Variants in HAPLN2 observed in about 807,000 individuals in gnomAD.
The protein encoded by HAPLN2 is hyaluronan and proteoglycan link protein 2.
Under a neutral mutation model 29.3 loss-of-function variants are expected in HAPLN2, and 27 were observed. That is an observed-to-expected ratio of 0.92 (90% CI 0.68 to 1.27). The LOEUF is 1.27. HAPLN2 is among the 50% of genes most tolerant of loss of function. The probability of loss-of-function intolerance (pLI) is 0.00; values close to 1 mark genes in which losing one functional copy is unlikely to be tolerated. For missense variants in HAPLN2, 454 were observed against 484.3 expected (o/e 0.94, Z 0.59); for synonymous variants, 208 against 211.7 (o/e 0.98, Z 0.15).
the HAPLN2 span, chr1:156,601,560 T>C: frequency 1.0e-5 from 12 of 1,162,268 alleles, no homozygotes; most frequent in African/African-American, 6.2e-5. Flanking sequence ...GGAGAAACCA[T>C]TGCGGAGCCC....
At chr1:156,602,197 C>T in the HAPLN2 span, among the ~76,000 whole-genome samples, 1 of 152,160 alleles carries the variant, frequency 6.6e-6, no homozygotes, top group East Asian at 1.9e-4. Context: ...ACCTCGGCTT[C>T]CCAAAGTGTT....
At chr1:156,618,389 A>C (rs184549504), upstream of HAPLN2, among the ~76,000 whole-genome samples, 1 of 151,150 alleles carries the variant, frequency 6.6e-6, no homozygotes, top group East Asian at 1.9e-4. Context: ...CTAAGGGGGA[A>C]GATCTCTTGA....
the HAPLN2 span, among the ~76,000 whole-genome samples, chr1:156,605,277 A>G: frequency 1.3e-5 from 2 of 151,572 alleles, no homozygotes; most frequent in East Asian, 1.9e-4. Flanking sequence ...AAAAGAAAAA[A>G]AAAGAGAGAG....
chr1:156,614,390 A>G (rs1233701914), upstream of HAPLN2, among the ~76,000 whole-genome samples: 1 of 152,008 alleles, frequency 6.6e-6, no homozygotes, highest in African/African-American at 2.4e-5. Context: ...ACACCCAGCT[A>G]ATTTTTGTAA....
chr1:156,609,745 C>T, the HAPLN2 span, among the ~76,000 whole-genome samples: 1 of 152,086 alleles, frequency 6.6e-6, no homozygotes, highest in Non-Finnish European at 1.5e-5. Flanking sequence ...GAACAATAGA[C>T]ACCAGGCCTA....
rs1326696742 is a variant in HAPLN2 at position 156,623,887 on chromosome 1, C to T, written c.166C>T (p.Pro56Ser). 1.3e-6 allele frequency: 2 copies of T among 1,586,762 alleles called. No individual in the cohort carries two copies. Among genetic ancestry groups the T allele is most frequent in the Non-Finnish European group, 1.7e-6 (2 of 1,167,182 alleles). The change falls in exon 4 of 7, where the codon CCC (proline) becomes TCC (serine). Residue 56 changes from proline to serine, a missense_variant. Pro to Ser is a moderately conservative substitution (Grantham distance 74). Around this residue, in one of 3 missense-constraint regions of HAPLN2, gnomAD observed 204 missense variants for 209.2 expected, o/e 0.98. Coordinates refer to ENST00000255039, the MANE Select transcript of HAPLN2 (RefSeq NM_021817.3). ...TCATCGTGGGGCCACGGCCACGCTG[C>T]CCTGCGTCCTGGGCACCACGCCTCC... The part of the protein sequence containing the change: ...HSHRGATATL[P>S]CVLGTTPPSY...
intron 2 of HAPLN2, among the ~76,000 whole-genome samples, chr1:156,620,639 T>C (rs1381348568): frequency 6.6e-6 from 1 of 152,204 alleles, no homozygotes; most frequent in Non-Finnish European, 1.5e-5. Context: ...ATAACCTCCG[T>C]TTCTCCTACT....
At chr1:156,610,266 A>G in the HAPLN2 span, among the ~76,000 whole-genome samples, 25 of 152,296 alleles carry the variant, frequency 1.6e-4, no homozygotes, top group African/African-American at 6.0e-4. Flanking sequence ...CTGAAATACT[A>G]TGCAGACATG....
chr1:156,601,949 T>C, the HAPLN2 span, among the ~76,000 whole-genome samples: 1 of 152,072 alleles, frequency 6.6e-6, no homozygotes, highest in Non-Finnish European at 1.5e-5. Context: ...TTTTTTTTTT[T>C]CTGAGACAGG....
At chr1:156,613,773 T>A in the HAPLN2 span, among the ~76,000 whole-genome samples, 2 of 151,550 alleles carry the variant, frequency 1.3e-5, no homozygotes, top group Non-Finnish European at 2.9e-5. Flanking sequence ...AAAAATTAGC[T>A]TGGTGTGGTG....
rs1481743705 is a variant in HAPLN2 at position 156,624,904 on chromosome 1, C to G, written c.739+121C>G. ...GGGTCCCTCCAAGGCACCGCCCCCCCATCAGCCCGCCCGCCCGCCCAGGCT... is the reference window on the plus strand; with the variant it reads ...GGGTCCCTCCAAGGCACCGCCCCCCGATCAGCCCGCCCGCCCGCCCAGGCT... On this transcript the variant is annotated intron_variant, in intron 6 of 6. Transcript: ENST00000255039. The G allele has an allele frequency of 5.9e-6, 7 of 1,184,994 alleles. 1 individual carries two copies. The allele number at this position is 1,184,994 out of a possible 1,614,324, so 73.4% of individuals were successfully genotyped here.
rs1678422030 is a variant in HAPLN2, at chr1:156,625,469, C to CA, written c.*85_*86insA. Reference sequence around the variant, plus strand: ...CTCGCCACCCCTTTCCGGAGAGCCTCCCCTCCCTCCAGACCCGGAGCGGCC... The same window carrying CA: ...CTCGCCACCCCTTTCCGGAGAGCCTCACCCTCCCTCCAGACCCGGAGCGGCC... On this transcript the variant is annotated 3_prime_UTR_variant, in exon 7 of 7. Transcript: ENST00000255039. This position sits in a 1 kb window ranked among gnomAD's most constrained non-coding sequence, Gnocchi z 5.7. 7.3e-7 allele frequency: 1 copy of CA among 1,364,998 alleles called. No individual in the cohort carries two copies. Among genetic ancestry groups the CA allele is most frequent in the Non-Finnish European group, 9.8e-7 (1 of 1,020,994 alleles). The allele number at this position is 1,364,998 out of a possible 1,614,324, so 84.6% of individuals were successfully genotyped here. A position where few individuals can be genotyped will look rare whatever the true frequency, so the allele number is the denominator to read the frequency against.
chr1:156,618,683 G>A (rs949527511), upstream of HAPLN2, among the ~76,000 whole-genome samples: 2 of 149,604 alleles, frequency 1.3e-5, no homozygotes, highest in African/African-American at 5.0e-5. Context: ...GGAGGCTGAG[G>A]CAGAAGAATG....
At chr1:156,612,409 G>A in the HAPLN2 span, among the ~76,000 whole-genome samples, 336 of 152,202 alleles carry the variant, frequency 2.2e-3, 2 homozygotes, top group African/African-American at 7.9e-3. Context: ...TTTGGAGGGA[G>A]GAGTGGTCCC....
upstream of HAPLN2, among the ~76,000 whole-genome samples, chr1:156,618,807 CTT>C (rs1477523398): frequency 1.4e-4 from 19 of 138,646 alleles, no homozygotes; most frequent in Admixed American, 7.9e-4. Flanking sequence ...AAAAAAAAGA[CTT>C]GAGAGAAAGT....
the HAPLN2 span, among the ~76,000 whole-genome samples, chr1:156,604,436 C>T: frequency 6.6e-6 from 1 of 152,000 alleles, no homozygotes; most frequent in African/African-American, 2.4e-5. Context: ...ACTACAGGTG[C>T]GTGCCACCAC....
At chr1:156,607,798 T>A in the HAPLN2 span, among the ~76,000 whole-genome samples, 1 of 152,198 alleles carries the variant, frequency 6.6e-6, no homozygotes, top group Non-Finnish European at 1.5e-5. Context: ...TTCCCAGTTA[T>A]TTTTTCTGTC....
At chr1:156,617,262 G>A (rs1019445858), upstream of HAPLN2, among the ~76,000 whole-genome samples, 4 of 151,874 alleles carry the variant, frequency 2.6e-5, no homozygotes, top group Non-Finnish European at 5.9e-5. Flanking sequence ...TGTATTGTGC[G>A]TGATTTGGGG....
At chr1:156,618,778 C>CAAA (rs67222173), upstream of HAPLN2, among the ~76,000 whole-genome samples, 9 of 41,636 alleles carry the variant, frequency 2.2e-4, no homozygotes, top group Admixed American at 1.5e-3. Flanking sequence ...GACTCCGTCT[C>CAAA]AAAAAAAAAA....
Sources: allele counts gnomAD v4.1 joint callset (sites outside exome capture counted in the v4.1 genomes callset), GRCh38; gene constraint gnomAD v4.1.1; regional missense constraint gnomAD v4.1.1; non-coding constraint Gnocchi (gnomAD v3.1); transcripts MANE v1.5; gene names NCBI Gene and HGNC (gene_info 2026-07-23, HGNC 2026-07-21).